Variants in ARPP19 observed in about 807,000 individuals in gnomAD.
ARPP19 encodes cAMP-regulated phosphoprotein 19.
In ARPP19, 8 loss-of-function variants were observed where a neutral mutation model predicts 12.0. That is an observed-to-expected ratio of 0.67 (90% CI 0.39 to 1.21). The LOEUF (loss-of-function observed/expected upper bound fraction) is 1.21. ARPP19 is among the 50% of genes most tolerant of loss of function. The pLI, the probability that ARPP19 is intolerant of heterozygous loss-of-function variation, is 0.01. For missense variants in ARPP19, 102 were observed against 136.3 expected (o/e 0.75, Z 1.25); for synonymous variants, 47 against 50.4 (o/e 0.93, Z 0.29).
chr15:52,551,578 A>G lies in ARPP19; in HGVS notation c.*356T>C, dbSNP rs1271849165. 5.9e-6 allele frequency: 1 copy of G among 168,520 alleles called. No homozygotes were observed. The highest frequency in any genetic ancestry group is 1.3e-5 in the Non-Finnish European group (1 of 78,524). The allele number at this position is 168,520 out of a possible 1,614,324, so 10.4% of individuals were successfully genotyped here. A position where few individuals can be genotyped will look rare whatever the true frequency, so the allele number is the denominator to read the frequency against. The stretch of plus-strand genomic sequence containing the variant: ...ATCAATACAATAGAGATTATATTAA[A>G]TAAGAGTAACATACAAAGCTATAAT... On this transcript the variant is annotated 3_prime_UTR_variant, in exon 3 of 3. Transcript: ENST00000249822.
upstream of ARPP19, among the ~76,000 whole-genome samples, chr15:52,569,432 T>C (rs1262258006): frequency 6.6e-6 from 1 of 152,196 alleles, no homozygotes; most frequent in Non-Finnish European, 1.5e-5. Context: ...ACATCTCCAG[T>C]CCTACGTCTC....
chr15:52,552,083 C>T lies in ARPP19; in HGVS notation c.190G>A (p.Asp64Asn), dbSNP rs925250241. 1 of 1,612,128 alleles carries T rather than the reference C, an allele frequency of 6.2e-7. No homozygotes were observed. The highest frequency in any genetic ancestry group is 1.3e-5 in the African/African-American group (1 of 74,790). ...ATTTTTGCTTTAGCCATGTTGTAAT[C>T]CCCAGAATCAAAATATTTTTGCTAT... ...QKGQKYFDSG[D>N]YNMAKAKMKN... The change falls in exon 3 of 3, where the codon GAT becomes AAT. Residue 64 changes from aspartate (D) to asparagine (N), a missense_variant. Asp to Asn is a conservative substitution (Grantham distance 23). Transcript: ENST00000249822.
At chr15:52,567,035 T>A (rs2140256383) in intron 1 of ARPP19, among the ~76,000 whole-genome samples, 1 of 152,326 alleles carries the variant, frequency 6.6e-6, no homozygotes, top group African/African-American at 2.4e-5. Flanking sequence ...AATAACTTAA[T>A]TTTTTAGGTC....
intron 1 of ARPP19, among the ~76,000 whole-genome samples, chr15:52,567,398 T>C (rs921241310): frequency 6.6e-6 from 1 of 152,166 alleles, no homozygotes; most frequent in East Asian, 1.9e-4. Context: ...ACAGAACTTA[T>C]CAAAGAAAAT....
Position 52,551,066 on chromosome 15 carries a change from G to A in ARPP19, c.*868C>T, listed in dbSNP as rs1195966370. On this transcript the variant is annotated 3_prime_UTR_variant, in exon 3 of 3. Transcript: ENST00000249822. ...TTTGGTATTCTATAAGCCCGAGATT[G>A]TAAACTACTCTTATTATACAAAAGC... 1 of 152,660 alleles carries A rather than the reference G, an allele frequency of 6.6e-6. No homozygotes were observed. Among genetic ancestry groups the A allele is most frequent in the Non-Finnish European group, 1.5e-5 (1 of 68,036 alleles). 9.5% of individuals were successfully genotyped at this position (152,660 alleles called of 1,614,324 possible).
intron 1 of ARPP19, among the ~76,000 whole-genome samples, chr15:52,561,168 A>G (rs1245361382): frequency 6.6e-6 from 1 of 152,186 alleles, no homozygotes; most frequent in Non-Finnish European, 1.5e-5. Flanking sequence ...ATAGAACACA[A>G]TTTGATGTGA....
intron 2 of ARPP19, among the ~76,000 whole-genome samples, chr15:52,555,470 C>A (rs769168505): frequency 1.3e-5 from 2 of 151,952 alleles, no homozygotes; most frequent in Non-Finnish European, 2.9e-5. Flanking sequence ...ATATTATGAT[C>A]TTTATGTTCT....
chr15:52,562,865 G>GTT (rs10709933), intron 1 of ARPP19, among the ~76,000 whole-genome samples: 3 of 92,908 alleles, frequency 3.2e-5, no homozygotes, highest in East Asian at 3.1e-4. Context: ...AGCTTAAGAA[G>GTT]TTTTTTTTTT....
At position 52,555,440 on chromosome 15, in the gene ARPP19, ACTT is replaced by A. The variant is rs367826856; in HGVS notation, c.168+1657_168+1659del. ...TAACTAAAAACACAGTTGTCATTCT[ACTT>A]CTTCTATTTATCCCCTATATTATGA... On this transcript the variant is annotated intron_variant, in intron 2 of 2. Transcript: ENST00000249822. Among the ~76,000 whole-genome samples, 515 of 152,074 alleles carry A rather than the reference ACTT, an allele frequency of 3.4e-3. 3 individuals carry two copies. The highest frequency in any genetic ancestry group is 0.012 in the African/African-American group (500 of 41,552).
Position 52,561,480 on chromosome 15 carries a change from A to C in ARPP19, c.46-4258T>G, listed in dbSNP as rs201818209. Among the ~76,000 whole-genome samples the C allele has an allele frequency of 1.9e-4, 29 of 152,324 alleles. No individual in the cohort carries two copies. The East Asian group carries it at 4.8e-3, about 25-fold the overall frequency. On this transcript the variant is annotated intron_variant, in intron 1 of 2. Coordinates refer to ENST00000249822, the MANE Select transcript of ARPP19 (RefSeq NM_006628.6). Reference sequence around the variant, plus strand: ...GAGTTAAAAAAGAAAAGAATACTATAACAGTACCATATTTTTAGTTTAAGT... The same window carrying C: ...GAGTTAAAAAAGAAAAGAATACTATCACAGTACCATATTTTTAGTTTAAGT...
intron 1 of ARPP19, among the ~76,000 whole-genome samples, chr15:52,565,758 T>C (rs1034652151): frequency 2.6e-5 from 4 of 152,256 alleles, no homozygotes; most frequent in African/African-American, 9.6e-5. Flanking sequence ...ATTGCTGCCA[T>C]ATTCCAAATA....
intron 2 of ARPP19, among the ~76,000 whole-genome samples, chr15:52,556,061 G>A (rs1288202761): frequency 6.6e-6 from 1 of 151,678 alleles, no homozygotes; most frequent in Non-Finnish European, 1.5e-5. Context: ...TCATAAATTT[G>A]GTGTCATTAT....
intron 2 of ARPP19, 112 bp downstream of exon 2, chr15:52,556,988 T>C (rs995968407): frequency 2.6e-6 from 3 of 1,172,552 alleles, no homozygotes; most frequent in Non-Finnish European, 3.6e-6. Context: ...TATACACATA[T>C]GTACATACCT....
rs2078115485 is a variant in ARPP19 at position 52,568,967 on chromosome 15, G to A, written c.-75C>T. On this transcript the variant is annotated 5_prime_UTR_variant, in exon 1 of 3. In the 5' UTR this introduces an upstream ATG that the reference lacks. Coordinates refer to ENST00000249822, the MANE Select transcript of ARPP19 (RefSeq NM_006628.6). ...GGCCGAGGCCACCCGGCCGCCGCCC[G>A]TCCCAGCTCTCCCAGGGCCCGCCGG... The A allele has an allele frequency of 8.9e-7, 1 of 1,125,506 alleles. No homozygotes were observed. Among genetic ancestry groups the A allele is most frequent in the East Asian group, 2.9e-5 (1 of 34,184 alleles). The allele number at this position is 1,125,506 out of a possible 1,614,324, so 69.7% of individuals were successfully genotyped here. A position where few individuals can be genotyped will look rare whatever the true frequency, so the allele number is the denominator to read the frequency against.
intron 1 of ARPP19, among the ~76,000 whole-genome samples, chr15:52,561,645 G>T (rs555755739): frequency 6.6e-6 from 1 of 151,606 alleles, no homozygotes; most frequent in African/African-American, 2.4e-5. Flanking sequence ...GAGCAAGAAA[G>T]GAAGAAAAAT....
chr15:52,554,931 T>C (rs1391503187), intron 2 of ARPP19, among the ~76,000 whole-genome samples: 4 of 152,034 alleles, frequency 2.6e-5, no homozygotes, highest in African/African-American at 9.7e-5. Flanking sequence ...ATTATAATAA[T>C]CATAATATCT....
intron 2 of ARPP19, 65 bp downstream of exon 2, chr15:52,557,035 C>A: frequency 2.6e-6 from 4 of 1,537,802 alleles, no homozygotes; most frequent in South Asian, 1.1e-5. Context: ...ATATCCGTTT[C>A]ACAATCTGTC....
intron 1 of ARPP19, chr15:52,568,637 C>T: frequency 2.1e-6 from 1 of 468,886 alleles, no homozygotes; most frequent in Non-Finnish European, 3.7e-6. Flanking sequence ...TTACAAAAGG[C>T]ACGATTCGGA....
upstream of ARPP19, chr15:52,569,252 CCCT>C (rs1367932121): frequency 3.2e-6 from 1 of 310,906 alleles, no homozygotes; most frequent in East Asian, 1.1e-4. Flanking sequence ...GTGGAACCGC[CCCT>C]CCCCGCCCTT....
Sources: allele counts gnomAD v4.1 joint callset (sites outside exome capture counted in the v4.1 genomes callset), GRCh38; gene constraint gnomAD v4.1.1; transcripts MANE v1.5; gene names NCBI Gene and HGNC (gene_info 2026-07-23, HGNC 2026-07-21).